The following LINGO2 variants were observed in gnomAD, a reference collection of about 807,000 sequenced individuals.
The protein encoded by LINGO2 is leucine rich repeat and Ig domain containing 2.
LINGO2 carries 14 observed loss-of-function variants against 30.6 expected under a neutral mutation model. The observed-to-expected ratio is 0.46, with a 90% confidence interval of 0.30 to 0.72. The LOEUF (loss-of-function observed/expected upper bound fraction) is 0.72, where lower values mean the gene tolerates loss of function less well. LINGO2 is among the 30% of genes least tolerant of loss of function. The probability of loss-of-function intolerance (pLI) is 0.07; values close to 1 mark genes in which losing one functional copy is unlikely to be tolerated. For missense variants in LINGO2, 729 were observed against 751.7 expected (o/e 0.97, Z 0.35); for synonymous variants, 317 against 288.5 (o/e 1.10, Z -1.00).
At chr9:28,925,691 G>A in the LINGO2 span, among the ~76,000 whole-genome samples, 1 of 152,004 alleles carries the variant, frequency 6.6e-6, no homozygotes, top group African/African-American at 2.4e-5. Flanking sequence ...TGATTTTTGT[G>A]GGTTCTTCTA....
At chr9:27,966,879 C>A (rs1469662328) in intron 5 of LINGO2, among the ~76,000 whole-genome samples, 4 of 152,128 alleles carry the variant, frequency 2.6e-5, no homozygotes, top group Admixed American at 6.6e-5. Context: ...AACTACCCCT[C>A]CTTCATAAGG....
the LINGO2 span, among the ~76,000 whole-genome samples, chr9:29,150,983 A>AT: frequency 1.3e-5 from 2 of 152,110 alleles, no homozygotes; most frequent in Non-Finnish European, 2.9e-5. Flanking sequence ...CAAACAAAAA[A>AT]AATATATATA....
intron 4 of LINGO2, among the ~76,000 whole-genome samples, chr9:28,075,093 C>A (rs1050803016): frequency 2.0e-5 from 3 of 151,892 alleles, no homozygotes; most frequent in African/African-American, 7.2e-5. Flanking sequence ...CACTCGGAAG[C>A]TATCAGCATT....
intron 4 of LINGO2, among the ~76,000 whole-genome samples, chr9:28,113,418 T>C (rs1460132397): frequency 1.8e-5 from 1 of 54,536 alleles, no homozygotes; most frequent in Non-Finnish European, 3.3e-5. Context: ...CCATATGAAC[T>C]TTAAAGTAGT....
At chr9:28,195,864 C>T in intron 4 of LINGO2, among the ~76,000 whole-genome samples, 1 of 151,642 alleles carries the variant, frequency 6.6e-6, no homozygotes, top group Non-Finnish European at 1.5e-5. Context: ...ATAAACCATG[C>T]TCATTTATTG....
At chr9:28,243,872 T>C (rs1821900876) in intron 4 of LINGO2, among the ~76,000 whole-genome samples, 1 of 152,116 alleles carries the variant, frequency 6.6e-6, no homozygotes. Flanking sequence ...CACTCAATAA[T>C]AGTGAGAGAC....
chr9:28,639,404 A>G (rs1374102134), intron 1 of LINGO2, among the ~76,000 whole-genome samples: 2 of 151,948 alleles, frequency 1.3e-5, no homozygotes, highest in East Asian at 1.9e-4. Flanking sequence ...TGATCTGTCT[A>G]ATGTTGACAG....
At chr9:28,935,630 C>A in the LINGO2 span, among the ~76,000 whole-genome samples, 1 of 151,776 alleles carries the variant, frequency 6.6e-6, no homozygotes, top group Non-Finnish European at 1.5e-5. Flanking sequence ...TAGAAAGAAG[C>A]AACTGTATTT....
At chr9:28,681,387 C>T in the LINGO2 span, among the ~76,000 whole-genome samples, 1 of 152,058 alleles carries the variant, frequency 6.6e-6, no homozygotes, top group African/African-American at 2.4e-5. Context: ...TAGCAAAAAT[C>T]CAACCCCATA....
intron 2 of LINGO2, among the ~76,000 whole-genome samples, chr9:28,436,991 T>C (rs145927382): frequency 6.6e-6 from 1 of 152,292 alleles, no homozygotes; most frequent in East Asian, 1.9e-4. Context: ...CAGAGTGAAC[T>C]GGGGTTCAAA....
At chr9:29,117,952 T>C in the LINGO2 span, among the ~76,000 whole-genome samples, 1 of 152,210 alleles carries the variant, frequency 6.6e-6, no homozygotes, top group Non-Finnish European at 1.5e-5. Flanking sequence ...TCTCCTTCTC[T>C]CACATATTTC....
the LINGO2 span, among the ~76,000 whole-genome samples, chr9:29,056,439 G>C: frequency 4.3e-4 from 66 of 152,104 alleles, no homozygotes; most frequent in East Asian, 0.01. Context: ...TTTTGGATGG[G>C]ATTATTTTTT....
At chr9:28,525,908 T>C (rs1821008851) in intron 1 of LINGO2, among the ~76,000 whole-genome samples, 2 of 151,572 alleles carry the variant, frequency 1.3e-5, no homozygotes, top group Admixed American at 6.6e-5. Context: ...ACAAAAAAAT[T>C]AGCGGGGCGT....
rs79467308 is a variant in LINGO2 at position 28,487,058 on chromosome 9, G to C, written c.-364-11033C>G. On this transcript the variant is annotated intron_variant, in intron 1 of 5. Transcript: ENST00000379992. ...TAACCCATATATAGAGTAAACCATAGAAAGAAAAAGTGGAGCTCTGCTTGG... is the reference window on the plus strand; with the variant it reads ...TAACCCATATATAGAGTAAACCATACAAAGAAAAAGTGGAGCTCTGCTTGG... Among the ~76,000 whole-genome samples the C allele has an allele frequency of 9.5e-3, 1,446 of 152,180 alleles. 23 individuals carry two copies. The highest frequency in any genetic ancestry group is 0.033 in the African/African-American group (1,362 of 41,558).
At chr9:28,211,147 T>G (rs1820575342) in intron 4 of LINGO2, among the ~76,000 whole-genome samples, 1 of 151,586 alleles carries the variant, frequency 6.6e-6, no homozygotes, top group South Asian at 2.1e-4. Flanking sequence ...TAAATAATAT[T>G]TATTCAGTCA....
At chr9:28,722,046 T>A in the LINGO2 span, among the ~76,000 whole-genome samples, 10,363 of 152,054 alleles carry the variant, frequency 0.068, 1,173 homozygotes, top group African/African-American at 0.23. Context: ...AATTTTACAT[T>A]CTGATATGTT....
At chr9:27,959,186 T>A (rs138137839) in intron 5 of LINGO2, among the ~76,000 whole-genome samples, 59 of 152,250 alleles carry the variant, frequency 3.9e-4, no homozygotes, top group African/African-American at 1.3e-3. Flanking sequence ...AATCTAGAAT[T>A]TTTTCAGTTT....
chr9:28,047,954 C>T (rs991734058), intron 4 of LINGO2, among the ~76,000 whole-genome samples: 6 of 150,226 alleles, frequency 4.0e-5, no homozygotes, highest in Admixed American at 6.7e-5. Flanking sequence ...TTAGAATCAA[C>T]GTAATTTCCA....
chr9:29,139,658 A>T, the LINGO2 span, among the ~76,000 whole-genome samples: 1 of 152,140 alleles, frequency 6.6e-6, no homozygotes, highest in African/African-American at 2.4e-5. Context: ...GTATAAAACC[A>T]GATGCATCAA....
Sources: allele counts gnomAD v4.1 joint callset (sites outside exome capture counted in the v4.1 genomes callset), GRCh38; gene constraint gnomAD v4.1.1; transcripts MANE v1.5; gene names NCBI Gene and HGNC (gene_info 2026-07-23, HGNC 2026-07-21).